The following GPHN variants were observed in gnomAD, a reference collection of about 807,000 sequenced individuals.
GPHN encodes gephyrin.
In GPHN, 17 loss-of-function variants were observed where a neutral mutation model predicts 95.5. The ratio of observed to expected loss-of-function variants is 0.18; its 90% CI spans 0.12 to 0.27. The LOEUF is 0.27. Among genes scored for constraint, GPHN ranks in the 10% least tolerant of loss-of-function variants. The pLI is 1.00. For missense variants in GPHN, 660 were observed against 978.1 expected, an observed-to-expected ratio of 0.67 and a Z score of 4.34; for synonymous variants, 320 against 322.5, an observed-to-expected ratio of 0.99 and a Z score of 0.08.
At chr14:67,687,090 T>C in the GPHN span, among the ~76,000 whole-genome samples, 2 of 152,316 alleles carry the variant, frequency 1.3e-5, no homozygotes, top group Admixed American at 6.5e-5. Flanking sequence ...ACCTAAAGCA[T>C]GCATCTCCAG....
chr14:67,645,171 A>C, the GPHN span, among the ~76,000 whole-genome samples: 9 of 151,374 alleles, frequency 5.9e-5, no homozygotes, highest in Admixed American at 1.3e-4. Context: ...CCATTTACCT[A>C]GATTTCTTTT....
chr14:66,737,008 T>C (rs1293366224), intron 2 of GPHN, among the ~76,000 whole-genome samples: 1 of 152,224 alleles, frequency 6.6e-6, no homozygotes, highest in Non-Finnish European at 1.5e-5. Flanking sequence ...GTCCTAAAAT[T>C]ATTATATGTT....
intron 5 of GPHN, among the ~76,000 whole-genome samples, chr14:66,895,267 C>A (rs1000824441): frequency 6.6e-6 from 1 of 152,124 alleles, no homozygotes; most frequent in Admixed American, 6.5e-5. Context: ...AACAAAAAAC[C>A]AGACACCGCA....
chr14:67,322,339 CTCTG>C, the GPHN span, among the ~76,000 whole-genome samples: 5 of 152,198 alleles, frequency 3.3e-5, no homozygotes, highest in Non-Finnish European at 7.4e-5. Flanking sequence ...CAGAGTGAGA[CTCTG>C]TCTGAAAAAC....
At chr14:66,931,561 C>G (rs899057926) in intron 8 of GPHN, among the ~76,000 whole-genome samples, 3 of 151,408 alleles carry the variant, frequency 2.0e-5, no homozygotes, top group African/African-American at 7.3e-5. Flanking sequence ...ATTCTTTTTT[C>G]TTTTGACTAT....
chr14:67,323,224 TATATACAC>T, the GPHN span, among the ~76,000 whole-genome samples: 62 of 104,930 alleles, frequency 5.9e-4, no homozygotes, highest in South Asian at 0.01. Flanking sequence ...TATATACACA[TATATACAC>T]GTGTGTGTGT....
the GPHN span, among the ~76,000 whole-genome samples, chr14:67,255,117 C>A: frequency 6.6e-6 from 1 of 152,042 alleles, no homozygotes; most frequent in East Asian, 1.9e-4. Flanking sequence ...CCACTGCACT[C>A]CAGCCTGGCA....
the GPHN span, among the ~76,000 whole-genome samples, chr14:67,646,244 T>G: frequency 3.9e-5 from 6 of 152,282 alleles, no homozygotes; most frequent in Admixed American, 3.9e-4. Flanking sequence ...CTACAAAGAT[T>G]ATTCATTGGG....
chr14:66,539,668 A>G (rs2059283062), intron 1 of GPHN, among the ~76,000 whole-genome samples: 1 of 151,656 alleles, frequency 6.6e-6, no homozygotes, highest in Non-Finnish European at 1.5e-5. Flanking sequence ...TGATCTGCTC[A>G]CCTCGGCCTC....
the GPHN span, among the ~76,000 whole-genome samples, chr14:67,496,585 G>C: frequency 1.3e-5 from 2 of 151,706 alleles, no homozygotes; most frequent in Non-Finnish European, 2.9e-5. Flanking sequence ...GTAGACGTGA[G>C]AGAGGTGTCC....
At chr14:66,750,077 AGTT>A (rs1200393052) in intron 2 of GPHN, among the ~76,000 whole-genome samples, 1 of 151,842 alleles carries the variant, frequency 6.6e-6, no homozygotes, top group Non-Finnish European at 1.5e-5. Context: ...CTGTCAACAG[AGTT>A]GTTAATTTTA....
intron 1 of GPHN, among the ~76,000 whole-genome samples, chr14:66,577,442 A>C (rs2060953336): frequency 6.6e-6 from 1 of 152,144 alleles, no homozygotes; most frequent in African/African-American, 2.4e-5. Flanking sequence ...AGTTATTTAC[A>C]TATATTATGT....
At chr14:66,599,534 T>C (rs2062137100) in intron 1 of GPHN, among the ~76,000 whole-genome samples, 1 of 151,876 alleles carries the variant, frequency 6.6e-6, no homozygotes. Flanking sequence ...CTGCTTCTTA[T>C]TTATTTTACA....
chr14:66,789,232 A>G (rs2059888407), intron 3 of GPHN, among the ~76,000 whole-genome samples: 1 of 152,202 alleles, frequency 6.6e-6, no homozygotes, highest in African/African-American at 2.4e-5. Context: ...CAATCCTTTA[A>G]TATTTAATCT....
chr14:67,470,684 T>C, the GPHN span: 5 of 151,780 alleles, frequency 3.3e-5, no homozygotes, highest in African/African-American at 1.2e-4. Flanking sequence ...GTATTATTGC[T>C]GTGAATAAGC....
At chr14:67,365,693 C>G in the GPHN span, among the ~76,000 whole-genome samples, 1 of 152,078 alleles carries the variant, frequency 6.6e-6, no homozygotes, top group Non-Finnish European at 1.5e-5. Context: ...AGCCATCTTA[C>G]TATAATTTGT....
intron 3 of GPHN, among the ~76,000 whole-genome samples, chr14:66,776,838 G>A (rs1019210257): frequency 2.6e-5 from 4 of 151,676 alleles, no homozygotes; most frequent in African/African-American, 9.7e-5. Flanking sequence ...TTATCTTGTT[G>A]CAATTTCTTT....
In GPHN at chr14:66,744,046, CT is replaced by C. The variant is rs373317735; in HGVS notation, c.144-32415del. Among the ~76,000 whole-genome samples, 16 of 152,262 alleles carry C rather than the reference CT, an allele frequency of 1.1e-4. No individual in the cohort carries two copies. In the South Asian group the frequency reaches 3.3e-3, roughly 32 times the overall value. ...GGCTCCAAGCTTTCTCCTTTTTCAT[CT>C]TTCATCTATCCCAATAAAAACATAA... is the stretch of plus-strand genomic sequence containing the variant. On this transcript the variant is annotated intron_variant, in intron 2 of 22. Coordinates refer to ENST00000478722, the MANE Select transcript of GPHN (RefSeq NM_020806.5).
At chr14:66,670,366 T>G (rs1368192288) in intron 1 of GPHN, among the ~76,000 whole-genome samples, 1 of 152,176 alleles carries the variant, frequency 6.6e-6, no homozygotes, top group Non-Finnish European at 1.5e-5. Context: ...GTGGAGGAGA[T>G]CATAAATCAA....
Sources: allele counts gnomAD v4.1 joint callset (sites outside exome capture counted in the v4.1 genomes callset), GRCh38; gene constraint gnomAD v4.1.1; transcripts MANE v1.5; gene names NCBI Gene and HGNC (gene_info 2026-07-23, HGNC 2026-07-21).